Variants in HERC2 observed in about 807,000 individuals in gnomAD.
HERC2 encodes E3 ubiquitin-protein ligase HERC2.
A neutral mutation model predicts 537.7 loss-of-function variants in HERC2; 102 were observed. That is an observed-to-expected ratio of 0.19 (90% confidence interval 0.16 to 0.22). The LOEUF (loss-of-function observed/expected upper bound fraction) is 0.22, where lower values mean the gene tolerates loss of function less well. Among genes scored for constraint, HERC2 ranks in the 10% least tolerant of loss-of-function variants. The probability of loss-of-function intolerance (pLI) is 1.00; values close to 1 mark genes in which losing one functional copy is unlikely to be tolerated. For synonymous variants in HERC2, 2,224 were observed against 2,466.2 expected, an observed-to-expected ratio of 0.90 and a Z score of 2.91; for missense variants, 4,236 against 6,198.2, an observed-to-expected ratio of 0.68 and a Z score of 10.63.
chr15:28,251,146 T>G (rs546625245), intron 20 of HERC2, among the ~76,000 whole-genome samples: 1 of 152,224 alleles, frequency 6.6e-6, no homozygotes, highest in South Asian at 2.1e-4. Flanking sequence ...TGTTCTTGGT[T>G]GTATTAATAA....
intron 2 of HERC2, among the ~76,000 whole-genome samples, chr15:28,311,210 A>C (rs1296305598): frequency 6.6e-6 from 1 of 151,272 alleles, no homozygotes; most frequent in Non-Finnish European, 1.5e-5. Context: ...CACATTTGTA[A>C]TCCCAGCAGT....
intron 83 of HERC2, among the ~76,000 whole-genome samples, chr15:28,127,195 C>T (rs1413587108): frequency 1.3e-5 from 2 of 152,186 alleles, no homozygotes; most frequent in Non-Finnish European, 2.9e-5. Flanking sequence ...AGCCACGAGG[C>T]GGGTGTCGCA....
At chr15:28,117,235 T>C (rs771354808) in intron 86 of HERC2, 81 bp from the exon 87 acceptor site, 8 of 1,404,938 alleles carry the variant, frequency 5.7e-6, no homozygotes, top group Non-Finnish European at 8.0e-6. Flanking sequence ...CACTGGCGAA[T>C]GCACGAGGAG....
At position 28,112,036 on chromosome 15, in the gene HERC2, C is replaced by T. The variant is rs756809420; in HGVS notation, c.14233-1G>A. The T allele has an allele frequency of 6.2e-7, 1 of 1,613,048 alleles. No homozygotes were observed. Among genetic ancestry groups the T allele is most frequent in the Non-Finnish European group, 8.5e-7 (1 of 1,179,172 alleles). ...CTGGAGGGTTGTATTTATCCAACAC[C>T]TGTTGAGCAGAAACATGAAGTGATT... is the stretch of plus-strand genomic sequence containing the variant. On this transcript the variant is annotated splice_acceptor_variant, in intron 92 of 92. Transcript: ENST00000261609. LOFTEE classifies it high-confidence loss of function.
intron 90 of HERC2, 121 bp downstream of exon 90, chr15:28,114,491 T>G: frequency 1.2e-6 from 1 of 826,870 alleles, no homozygotes; most frequent in South Asian, 1.7e-5. Context: ...TCAGCAATAG[T>G]TGGAGCCAAA....
chr15:28,220,759 G>T, intron 36 of HERC2, 115 bp from the exon 37 acceptor site: 1 of 797,880 alleles, frequency 1.3e-6, no homozygotes, highest in Non-Finnish European at 2.1e-6. Flanking sequence ...GTCCTTCCAT[G>T]GCTCCCAGCA....
Position 28,149,022 on chromosome 15 carries a change from G to A in HERC2, c.10901-2678C>T, listed in dbSNP as rs183358230. On this transcript the variant is annotated intron_variant, in intron 70 of 92. Coordinates refer to ENST00000261609, the MANE Select transcript of HERC2 (RefSeq NM_004667.6). ...CCTAACCGAGAACATCACCGAGAACGGCCGCACAAACGTACATTCTAGTAA... is the reference window on the plus strand; with the variant it reads ...CCTAACCGAGAACATCACCGAGAACAGCCGCACAAACGTACATTCTAGTAA... Among the ~76,000 whole-genome samples, 152 of 145,938 alleles carry A rather than the reference G, an allele frequency of 1.0e-3. 2 individuals carry two copies. In the East Asian group the frequency reaches 0.023, roughly 22 times the overall value.
intron 47 of HERC2, among the ~76,000 whole-genome samples, chr15:28,201,881 A>G (rs535021960): frequency 6.6e-5 from 10 of 152,352 alleles, no homozygotes; most frequent in Admixed American, 2.0e-4. Flanking sequence ...ATGTTTGAAC[A>G]AGGGTCTGTT....
intron 2 of HERC2, among the ~76,000 whole-genome samples, chr15:28,318,216 T>C (rs1164635941): frequency 6.6e-6 from 1 of 152,150 alleles, no homozygotes; most frequent in Non-Finnish European, 1.5e-5. Context: ...ACAAGTACTT[T>C]CACTGTAAAA....
chr15:28,117,340 G>A (rs569137590), intron 86 of HERC2, 186 bp from the exon 87 acceptor site: 37 of 714,424 alleles, frequency 5.2e-5, no homozygotes, highest in South Asian at 2.2e-4. Context: ...GTGGACACCC[G>A]AGACCGCTGC....
chr15:28,178,921 G>T lies in HERC2; in HGVS notation c.9129C>A (p.Ser3043Arg). ...CAGCCACCTTCTTGACCACGTAGCTGCTGAGAGCTGTGATCTGCCGTGGGA... is the reference window on the plus strand; with the variant it reads ...CAGCCACCTTCTTGACCACGTAGCTTCTGAGAGCTGTGATCTGCCGTGGGA... ...VPIPRQITAL[S>R]SYVVKKVAVH... Residue 3043 changes from serine (S) to arginine (R), a missense_variant, in exon 59 of 93, where the codon AGC becomes AGA. Ser to Arg is a moderately radical substitution (Grantham distance 110). Coordinates refer to ENST00000261609, the MANE Select transcript of HERC2 (RefSeq NM_004667.6). 6.2e-7 allele frequency: 1 copy of T among 1,614,100 alleles called. No homozygotes were observed.
chr15:28,136,557 C>T (rs963842055), intron 78 of HERC2, among the ~76,000 whole-genome samples: 1 of 152,240 alleles, frequency 6.6e-6, no homozygotes, highest in Non-Finnish European at 1.5e-5. Context: ...GAAAGCTGCC[C>T]TTCCCAGCCT....
rs766950917 is a variant in HERC2 at position 28,168,393 on chromosome 15, A to AC, written c.10413+13_10413+14insG. 9.9e-6 allele frequency: 16 copies of AC among 1,611,400 alleles called. No homozygotes were observed. The highest frequency in any genetic ancestry group is 1.3e-5 in the Non-Finnish European group (15 of 1,178,284). On this transcript the variant is annotated intron_variant, in intron 67 of 92. Coordinates refer to ENST00000261609, the MANE Select transcript of HERC2 (RefSeq NM_004667.6). ...TTCCTTTCTGATCTAACATTGCTTT[A>AC]GATTCGCTTTTACCTCTCTCTTTTC...
At chr15:28,224,468 C>T (rs1174786452) in intron 35 of HERC2, among the ~76,000 whole-genome samples, 2 of 152,104 alleles carry the variant, frequency 1.3e-5, no homozygotes, top group African/African-American at 2.4e-5. Flanking sequence ...GCGACCCACC[C>T]GCCTCAGCCG....
chr15:28,237,339 A>G (rs953894989), intron 25 of HERC2, among the ~76,000 whole-genome samples: 2 of 152,236 alleles, frequency 1.3e-5, no homozygotes, highest in Admixed American at 6.5e-5. Flanking sequence ...GCACAGCCCT[A>G]CTGTAGAAAA....
intron 83 of HERC2, among the ~76,000 whole-genome samples, chr15:28,125,462 G>C (rs1030214640): frequency 6.6e-6 from 1 of 152,178 alleles, no homozygotes; most frequent in Non-Finnish European, 1.5e-5. Flanking sequence ...CTTCTAGTGA[G>C]AGACACACAA....
At chr15:28,127,577 G>C (rs534738661) in intron 83 of HERC2, among the ~76,000 whole-genome samples, 3 of 152,110 alleles carry the variant, frequency 2.0e-5, no homozygotes, top group African/African-American at 7.2e-5. Context: ...GAGCGGTGAC[G>C]CCTCAATAGC....
At chr15:28,310,175 G>A (rs895035336) in intron 2 of HERC2, among the ~76,000 whole-genome samples, 8 of 152,216 alleles carry the variant, frequency 5.3e-5, no homozygotes, top group African/African-American at 1.4e-4. Context: ...AGCTGAGCAT[G>A]GTGGCTCACA....
chr15:28,222,114 G>A lies in HERC2; in HGVS notation c.5566C>T (p.Leu1856Phe), dbSNP rs780545307. ...GCCAGTTCTGGTCCTGAAACAGGGA[G>A]CTGCACAGGAGCCGTTTCCTTCCTT... ...ETRKETAPVQ[L>F]PVSGPELAAM... The change falls in exon 36 of 93, where the codon CTC (leucine) becomes TTC (phenylalanine). Residue 1856 changes from leucine (L) to phenylalanine (F), a missense_variant. Leu to Phe is a conservative substitution (Grantham distance 22, BLOSUM62 0). This residue lies in a region of HERC2 where 343 missense variants were observed against 417.2 expected (regional missense o/e 0.82). Coordinates refer to ENST00000261609, the MANE Select transcript of HERC2 (RefSeq NM_004667.6). 1 of 1,017,502 alleles carries A rather than the reference G, an allele frequency of 9.8e-7. No individual in the cohort carries two copies. The highest frequency in any genetic ancestry group is 2.6e-4 in the Middle Eastern group (1 of 3,894). The allele number at this position is 1,017,502 out of a possible 1,614,324, so 63.0% of individuals were successfully genotyped here.
Sources: gnomAD v4.1 joint callset for allele counts (sites outside exome capture counted in the v4.1 genomes callset) on GRCh38, gnomAD v4.1.1 for gene constraint, gnomAD v4.1.1 regional missense constraint, MANE v1.5 for transcripts, NCBI Gene and HGNC (gene_info 2026-07-23, HGNC 2026-07-21) for gene names.